The following GRM8 variants were observed in gnomAD, a reference collection of about 807,000 sequenced individuals.
GRM8 encodes the protein glutamate metabotropic receptor 8, also known as metabotropic glutamate receptor 8.
GRM8 carries 47 observed loss-of-function variants against 87.2 expected under a neutral mutation model. That is an observed-to-expected ratio of 0.54 (90% CI 0.43 to 0.69). The LOEUF (loss-of-function observed/expected upper bound fraction) is 0.69. Among genes scored for constraint, GRM8 ranks in the 30% least tolerant of loss-of-function variants. The probability of loss-of-function intolerance (pLI) is 0.00; values close to 1 mark genes in which losing one functional copy is unlikely to be tolerated. For missense variants in GRM8, 1,019 were observed against 1,139.2 expected, an observed-to-expected ratio of 0.89 and a Z score of 1.52; for synonymous variants, 396 against 404.5, an observed-to-expected ratio of 0.98 and a Z score of 0.25.
chr7:126,619,489 T>C (rs1400818095), intron 7 of GRM8, among the ~76,000 whole-genome samples: 1 of 151,842 alleles, frequency 6.6e-6, no homozygotes, highest in Non-Finnish European at 1.5e-5. Flanking sequence ...GTTGTGCACA[T>C]GTACCCTAGA....
chr7:127,044,963 C>T (rs1345145973), intron 3 of GRM8, among the ~76,000 whole-genome samples: 1 of 152,086 alleles, frequency 6.6e-6, no homozygotes, highest in Non-Finnish European at 1.5e-5. Flanking sequence ...AAAAAAGTTG[C>T]AAATGAATTT....
At chr7:127,037,915 T>C (rs1185551453) in intron 3 of GRM8, among the ~76,000 whole-genome samples, 1 of 151,994 alleles carries the variant, frequency 6.6e-6, no homozygotes, top group Non-Finnish European at 1.5e-5. Context: ...TTGGATGCTT[T>C]TAATATGTAC....
At chr7:127,144,900 C>T (rs918125226) in intron 2 of GRM8, among the ~76,000 whole-genome samples, 1 of 152,124 alleles carries the variant, frequency 6.6e-6, no homozygotes, top group South Asian at 2.1e-4. Context: ...TCCTACAGAT[C>T]GGTTATCTAC....
intron 3 of GRM8, among the ~76,000 whole-genome samples, chr7:126,947,476 A>G (rs900990784): frequency 2.6e-5 from 4 of 152,088 alleles, no homozygotes; most frequent in Non-Finnish European, 4.4e-5. Context: ...TGGGATTTTG[A>G]GCAAGTAACT....
At chr7:127,145,076 G>A (rs1027027407) in intron 2 of GRM8, among the ~76,000 whole-genome samples, 2 of 152,000 alleles carry the variant, frequency 1.3e-5, no homozygotes, top group African/African-American at 2.4e-5. Flanking sequence ...TAAGTATTGT[G>A]CACACACAAA....
intron 2 of GRM8, among the ~76,000 whole-genome samples, chr7:127,156,447 T>G (rs757470442): frequency 2.6e-5 from 4 of 152,272 alleles, no homozygotes; most frequent in Non-Finnish European, 4.4e-5. Flanking sequence ...GAGAGCAGGC[T>G]CAGAGCAGAG....
At chr7:126,950,998 C>A (rs1032722226) in intron 3 of GRM8, among the ~76,000 whole-genome samples, 1 of 151,532 alleles carries the variant, frequency 6.6e-6, no homozygotes, top group African/African-American at 2.4e-5. Flanking sequence ...CGTGGCACAC[C>A]TATCTGCAAG....
chr7:126,607,684 C>A (rs1798495574), intron 8 of GRM8, among the ~76,000 whole-genome samples: 1 of 151,948 alleles, frequency 6.6e-6, no homozygotes, highest in South Asian at 2.1e-4. Flanking sequence ...GTCTACCGTT[C>A]TTTTTTTATG....
At chr7:127,137,163 A>G (rs911839336) in intron 2 of GRM8, among the ~76,000 whole-genome samples, 1 of 151,456 alleles carries the variant, frequency 6.6e-6, no homozygotes, top group Admixed American at 6.6e-5. Context: ...TGAAGATAAA[A>G]GCAGGACTGT....
intron 7 of GRM8, among the ~76,000 whole-genome samples, chr7:126,694,155 C>A (rs1809124501): frequency 6.9e-6 from 1 of 145,570 alleles, no homozygotes; most frequent in Non-Finnish European, 1.6e-5. Context: ...ATAGTTAGGT[C>A]TATTTATATT....
chr7:126,614,854 C>A (rs1036652797), intron 7 of GRM8, among the ~76,000 whole-genome samples: 12 of 152,184 alleles, frequency 7.9e-5, no homozygotes, highest in African/African-American at 2.9e-4. Flanking sequence ...AACAAAGCCT[C>A]TAAGAAATAC....
intron 3 of GRM8, among the ~76,000 whole-genome samples, chr7:127,022,483 C>A (rs1816373233): frequency 6.6e-6 from 1 of 151,988 alleles, no homozygotes; most frequent in Non-Finnish European, 1.5e-5. Context: ...ATGCACCCAA[C>A]CCTGACAGGG....
intron 9 of GRM8, among the ~76,000 whole-genome samples, chr7:126,446,935 T>G (rs1476346939): frequency 6.6e-6 from 1 of 151,858 alleles, no homozygotes; most frequent in African/African-American, 2.4e-5. Flanking sequence ...TTTTTAACAG[T>G]CCCTCTAAAG....
At chr7:127,058,698 T>C (rs945077174) in intron 3 of GRM8, among the ~76,000 whole-genome samples, 3 of 152,198 alleles carry the variant, frequency 2.0e-5, no homozygotes, top group African/African-American at 7.2e-5. Context: ...CAGACATTTA[T>C]ATAAGGCTGG....
chr7:126,663,590 A>T (rs1309635434), intron 7 of GRM8, among the ~76,000 whole-genome samples: 5 of 152,240 alleles, frequency 3.3e-5, no homozygotes, highest in Non-Finnish European at 7.3e-5. Context: ...AAAATCTAAC[A>T]ACCCTTCATG....
At chr7:126,641,226 G>C (rs1279095916) in intron 7 of GRM8, among the ~76,000 whole-genome samples, 1 of 152,066 alleles carries the variant, frequency 6.6e-6, no homozygotes, top group Non-Finnish European at 1.5e-5. Flanking sequence ...CCAGTGCAAT[G>C]GTCTGTGACT....
At chr7:126,916,049 A>C (rs536745150) in intron 3 of GRM8, among the ~76,000 whole-genome samples, 1 of 152,356 alleles carries the variant, frequency 6.6e-6, no homozygotes, top group Admixed American at 6.5e-5. Context: ...AGATTTCAAA[A>C]GAGAAAGCTA....
intron 6 of GRM8, among the ~76,000 whole-genome samples, chr7:126,856,018 A>C (rs548950235): frequency 3.4e-4 from 52 of 152,290 alleles, no homozygotes; most frequent in African/African-American, 1.2e-3. Flanking sequence ...TAAAGGAGAA[A>C]AGTGGCTTCA....
At position 127,207,010 on chromosome 7, in the gene GRM8, G is replaced by A. The variant is rs17867068; in HGVS notation, c.510+35685C>T. Among the ~76,000 whole-genome samples, 568 of 152,260 alleles carry A rather than the reference G, an allele frequency of 3.7e-3. 3 individuals are homozygous for A. Among genetic ancestry groups the A allele is most frequent in the African/African-American group, 0.012 (502 of 41,536 alleles). ...CTTGTGTGACCACAAACATGAATGC[G>A]TGTGAGGAATGAAGGAAAAATAAGA... On this transcript the variant is annotated intron_variant, in intron 2 of 10. Coordinates refer to ENST00000339582, the MANE Select transcript of GRM8 (RefSeq NM_000845.3).
Sources: gnomAD v4.1 joint callset for allele counts (sites outside exome capture counted in the v4.1 genomes callset) on GRCh38, gnomAD v4.1.1 for gene constraint, MANE v1.5 for transcripts, NCBI Gene and HGNC (gene_info 2026-07-23, HGNC 2026-07-21) for gene names.